ANKRD30A: variants seen among roughly 807,000 people sequenced by gnomAD.
ANKRD30A encodes the protein ankyrin repeat domain 30A.
In ANKRD30A, 170 loss-of-function variants were observed where a neutral mutation model predicts 166.3. The ratio of observed to expected loss-of-function variants is 1.02; its 90% CI spans 0.90 to 1.16. ANKRD30A has a LOEUF of 1.16. Ranked by LOEUF, ANKRD30A falls within the 50% of genes most tolerant of loss-of-function variation. ANKRD30A has a pLI of 0.00. For synonymous variants in ANKRD30A, 564 were observed against 508.9 expected, an observed-to-expected ratio of 1.11 and a Z score of -1.46; for missense variants, 1,630 against 1,518.0, an observed-to-expected ratio of 1.07 and a Z score of -1.23.
At chr10:37,171,817 A>T (rs1839587925) in intron 21 of ANKRD30A, among the ~76,000 whole-genome samples, 1 of 149,752 alleles carries the variant, frequency 6.7e-6, no homozygotes. Flanking sequence ...CCTAGAGAGG[A>T]TCTAGACTTT....
At chr10:37,264,592 A>G in the ANKRD30A span, 1 of 407,656 alleles carries the variant, frequency 2.5e-6, no homozygotes, top group Non-Finnish European at 4.3e-6. Context: ...GCATCTACTC[A>G]GCCATCTGGT....
chr10:37,219,764 C>G lies in ANKRD30A; in HGVS notation c.4052C>G (p.Thr1351Arg). ...AAAGCTGACAACAAAAGCAAGATAA[C>G]AATTGATATTCATTTTCTTGAGAGG... Reference protein sequence around the residue: ...HKKADNKSKITIDIHFLERKM... With the variant: ...HKKADNKSKIRIDIHFLERKM... Residue 1351 changes from threonine to arginine, a missense_variant, in exon 34 of 36, where the codon ACA becomes AGA. Coordinates refer to ENST00000361713, the MANE Select transcript of ANKRD30A (RefSeq NM_052997.3). 6.2e-7 allele frequency: 1 copy of G among 1,608,234 alleles called. No homozygotes were observed.
the ANKRD30A span, among the ~76,000 whole-genome samples, chr10:37,262,155 T>C: frequency 6.6e-6 from 1 of 152,212 alleles, no homozygotes; most frequent in African/African-American, 2.4e-5. Flanking sequence ...GATTTCCCCA[T>C]TCTTCAAATG....
intron 18 of ANKRD30A, among the ~76,000 whole-genome samples, chr10:37,166,099 T>C (rs1297244486): frequency 6.6e-6 from 1 of 152,138 alleles, no homozygotes; most frequent in South Asian, 2.1e-4. Context: ...AGAAAGCAGC[T>C]TTTTCAAATT....
At position 37,219,875 on chromosome 10, in the gene ANKRD30A, A is replaced by T. The variant is rs377750885; in HGVS notation, c.4163A>T (p.Glu1388Val). The T allele has an allele frequency of 3.9e-6, 6 of 1,521,818 alleles. No individual in the cohort carries two copies. In the East Asian group the frequency reaches 7.1e-5, roughly 18 times the overall value. 94.3% of individuals were successfully genotyped at this position (1,521,818 alleles called of 1,614,324 possible). ...TTAAAAAACCGTATATATCAATATG[A>T]AAAAGAGAAAGCAGAAACAGAAGTA... The part of the protein sequence containing the change: ...NHLKNRIYQY[E>V]KEKAETENS Residue 1388 changes from glutamate (E) to valine (V), a missense_variant, in exon 34 of 36, where the codon GAA becomes GTA. This residue lies in a region of ANKRD30A where 712 missense variants were observed against 629.3 expected (regional missense o/e 1.13). Coordinates refer to ENST00000361713, the MANE Select transcript of ANKRD30A (RefSeq NM_052997.3).
At position 37,197,567 on chromosome 10, in the gene ANKRD30A, T is replaced by A. The variant is rs1190250841; in HGVS notation, c.2716+87T>A. On this transcript the variant is annotated intron_variant, in intron 29 of 35. Coordinates refer to ENST00000361713, the MANE Select transcript of ANKRD30A (RefSeq NM_052997.3). The stretch of plus-strand genomic sequence containing the variant: ...TTTCTATCCCCAATGCTTTATTTTT[T>A]TCAACTTTGATGATAAGTTTTGATC... 4 of 1,588,992 alleles carry A rather than the reference T, an allele frequency of 2.5e-6. No individual in the cohort carries two copies. The East Asian group carries it at 9.0e-5, about 36-fold the overall frequency.
At position 37,126,013 on chromosome 10, in the gene ANKRD30A, C is replaced by G. The variant is rs1835982606; in HGVS notation, c.221+5C>G. The G allele has an allele frequency of 1.9e-6, 3 of 1,611,942 alleles. No individual in the cohort carries two copies. In the East Asian group the frequency reaches 6.7e-5, roughly 36 times the overall value. ...TATACAAGACGCCCAGAAGAGGTAC[C>G]AGGCCCTGCCTGAGCCGGGGCTGCA... On this transcript the variant is annotated splice_donor_5th_base_variant and intron_variant, in intron 1 of 35. Coordinates refer to ENST00000361713, the MANE Select transcript of ANKRD30A (RefSeq NM_052997.3).
intron 34 of ANKRD30A, 23 bp from the exon 35 acceptor site, chr10:37,231,437 AT>A (rs2132767291): frequency 1.9e-6 from 3 of 1,584,650 alleles, no homozygotes; most frequent in East Asian, 4.5e-5. Context: ...AATACTAAGC[AT>A]TTTCCTTTTG....
chr10:37,140,784 G>C (rs1837044071), intron 6 of ANKRD30A, among the ~76,000 whole-genome samples: 1 of 152,028 alleles, frequency 6.6e-6, no homozygotes, highest in Admixed American at 6.5e-5. Context: ...GTGACATAAT[G>C]CATTGTACAA....
At chr10:37,264,586 C>G in the ANKRD30A span, 1 of 437,210 alleles carries the variant, frequency 2.3e-6, no homozygotes, top group South Asian at 4.3e-5. Context: ...TCTTTGGCAT[C>G]TACTCAGCCA....
the ANKRD30A span, among the ~76,000 whole-genome samples, chr10:37,243,171 G>A: frequency 2.0e-4 from 26 of 130,470 alleles, no homozygotes; most frequent in African/African-American, 7.6e-4. Flanking sequence ...GTCTCGCTCT[G>A]TCGCCCAGGC....
Position 37,165,255 on chromosome 10 carries a change from C to G in ANKRD30A, c.2064+100C>G, listed in dbSNP as rs1839225295. 8.0e-6 allele frequency: 9 copies of G among 1,122,850 alleles called. No individual in the cohort carries two copies. In the South Asian group the frequency reaches 1.2e-4, roughly 15 times the overall value. The allele number at this position is 1,122,850 out of a possible 1,614,324, so 69.6% of individuals were successfully genotyped here. On this transcript the variant is annotated intron_variant, in intron 18 of 35. Transcript: ENST00000361713. ...TATTTTCTCACCTCTGCATGTGTCA[C>G]CCTCAAATTATTTTTGATGTTTTTC...
At chr10:37,229,660 C>A (rs1319598194) in intron 34 of ANKRD30A, among the ~76,000 whole-genome samples, 1 of 151,936 alleles carries the variant, frequency 6.6e-6, no homozygotes, top group Admixed American at 6.6e-5. Flanking sequence ...TTTCAAGCTT[C>A]AGCTTCTTTT....
chr10:37,159,294 A>G (rs1442854147), intron 15 of ANKRD30A, among the ~76,000 whole-genome samples: 5 of 152,140 alleles, frequency 3.3e-5, no homozygotes. Flanking sequence ...AGGCGGGCAG[A>G]TAAGTTAAGG....
the ANKRD30A span, among the ~76,000 whole-genome samples, chr10:37,252,921 C>T: frequency 2.0e-5 from 3 of 152,052 alleles, no homozygotes; most frequent in African/African-American, 7.2e-5. Context: ...AACACATTGT[C>T]CTTTTAGACA....
At chr10:37,158,322 A>G (rs1838541728) in intron 13 of ANKRD30A, 70 bp from the exon 14 acceptor site, 4 of 1,541,792 alleles carry the variant, frequency 2.6e-6, no homozygotes, top group South Asian at 1.1e-5. Flanking sequence ...TCATGTTCAC[A>G]CTGTGTGAAT....
At chr10:37,194,969 C>T (rs185447545) in intron 27 of ANKRD30A, among the ~76,000 whole-genome samples, 52 of 152,248 alleles carry the variant, frequency 3.4e-4, no homozygotes, top group African/African-American at 1.1e-3. Context: ...TGCATTACAA[C>T]TGTTAGTTGT....
At chr10:37,222,415 T>C (rs915446748) in intron 34 of ANKRD30A, among the ~76,000 whole-genome samples, 1 of 151,378 alleles carries the variant, frequency 6.6e-6, no homozygotes, top group African/African-American at 2.4e-5. Context: ...TTAAGTTTCA[T>C]CTATTTTGTA....
At chr10:37,146,302 A>T (rs79190424) in intron 8 of ANKRD30A, among the ~76,000 whole-genome samples, 1 of 118,288 alleles carries the variant, frequency 8.5e-6, no homozygotes, top group African/African-American at 3.0e-5. Context: ...TTTTAAGCCC[A>T]TTTACCTAAA....
Sources: allele counts gnomAD v4.1 joint callset (sites outside exome capture counted in the v4.1 genomes callset), GRCh38; gene constraint gnomAD v4.1.1; regional missense constraint gnomAD v4.1.1; transcripts MANE v1.5; gene names NCBI Gene and HGNC (gene_info 2026-07-23, HGNC 2026-07-21).